The following RIIAD1 variants were observed in gnomAD, a reference collection of about 807,000 sequenced individuals.
RIIAD1 encodes regulatory subunit of type II PKA R-subunit domain containing 1, also known as RIIa domain-containing protein 1.
A neutral mutation model predicts 13.3 loss-of-function variants in RIIAD1; 15 were observed. The ratio of observed to expected loss-of-function variants is 1.13; its 90% CI spans 0.76 to 1.74. The LOEUF is 1.74. Among genes scored for constraint, RIIAD1 ranks in the 40% most tolerant of loss-of-function variants. The probability of loss-of-function intolerance (pLI) is 0.00; values close to 1 mark genes in which losing one functional copy is unlikely to be tolerated. For synonymous variants in RIIAD1, 50 were observed against 43.3 expected (o/e 1.16, Z -0.61); for missense variants, 121 against 112.2 (o/e 1.08, Z -0.35).
At chr1:151,728,482 G>C (rs1479520269) in intron 3 of RIIAD1, 1 of 252,112 alleles carries the variant, frequency 4.0e-6, no homozygotes, top group Non-Finnish European at 6.6e-6. Flanking sequence ...CGGGGTAGGT[G>C]GGGGGTGGGG....
intron 2 of RIIAD1, among the ~76,000 whole-genome samples, chr1:151,713,139 G>A (rs1354343007): frequency 1.3e-5 from 2 of 152,222 alleles, no homozygotes; most frequent in Non-Finnish European, 2.9e-5. Context: ...TCTGGATTCT[G>A]TCCCCTGGGA....
At chr1:151,729,182 G>A (rs142610143) in intron 4 of RIIAD1, among the ~76,000 whole-genome samples, 5 of 152,212 alleles carry the variant, frequency 3.3e-5, no homozygotes, top group Admixed American at 6.5e-5. Flanking sequence ...AGGGAAATGG[G>A]GAGGGGGCCA....
At chr1:151,712,206 C>T (rs1673081784) in intron 2 of RIIAD1, among the ~76,000 whole-genome samples, 2 of 152,296 alleles carry the variant, frequency 1.3e-5, no homozygotes, top group South Asian at 4.1e-4. Context: ...TACTACCCAC[C>T]AGGTGACAAG....
At chr1:151,725,107 C>A (rs1254487332) in intron 2 of RIIAD1, among the ~76,000 whole-genome samples, 1 of 84,678 alleles carries the variant, frequency 1.2e-5, no homozygotes, top group Non-Finnish European at 2.1e-5. Context: ...CGCACCTCGC[C>A]TTTTTTTTTT....
intron 3 of RIIAD1, among the ~76,000 whole-genome samples, chr1:151,727,877 G>A (rs1673860997): frequency 1.3e-5 from 2 of 152,192 alleles, no homozygotes; most frequent in African/African-American, 4.8e-5. Flanking sequence ...AAGGAACATA[G>A]CGGCAGTTTT....
intron 3 of RIIAD1, among the ~76,000 whole-genome samples, chr1:151,728,213 C>T (rs1289343253): frequency 2.0e-5 from 3 of 152,202 alleles, no homozygotes; most frequent in Admixed American, 2.0e-4. Flanking sequence ...CAGATGCTGC[C>T]TCTGATTCAC....
upstream of RIIAD1, chr1:151,716,820 C>A (rs553879751): frequency 2.1e-6 from 1 of 467,060 alleles, no homozygotes. Context: ...CTCCACACCC[C>A]CCTCCCCACT....
chr1:151,722,167 G>T lies in RIIAD1; in HGVS notation c.161+5G>T. 6.5e-7 allele frequency: 1 copy of T among 1,544,444 alleles called. No homozygotes were observed. Among genetic ancestry groups the T allele is most frequent in the East Asian group, 2.4e-5 (1 of 40,884 alleles). On this transcript the variant is annotated splice_donor_5th_base_variant and intron_variant, in intron 2 of 4. Transcript: ENST00000479191. ...GCTCATAAGTGGTTTCTTCAGGTAGGTGGTTTTCCAGGCTCTGGGATTTGT... is the reference window on the plus strand; with the variant it reads ...GCTCATAAGTGGTTTCTTCAGGTAGTTGGTTTTCCAGGCTCTGGGATTTGT...
Position 151,728,842 on chromosome 1 carries a change from A to C in RIIAD1, c.*6A>C. 1 of 1,503,600 alleles carries C rather than the reference A, an allele frequency of 6.7e-7. No individual in the cohort carries two copies. Among genetic ancestry groups the C allele is most frequent in the South Asian group, 1.2e-5 (1 of 83,068 alleles). 93.1% of individuals were successfully genotyped at this position (1,503,600 alleles called of 1,614,324 possible). On this transcript the variant is annotated 3_prime_UTR_variant, in exon 4 of 5. Transcript: ENST00000479191. The stretch of plus-strand genomic sequence containing the variant: ...AAGACAAGAAAGCGGCTTAATTAGC[A>C]AAATCATGATGCTCAGCTGTTGGGA...
At chr1:151,711,781 A>T (rs1352890143) in intron 1 of RIIAD1, 3 of 152,160 alleles carry the variant, frequency 2.0e-5, no homozygotes, top group Non-Finnish European at 4.4e-5. Context: ...GGGTTGGGGG[A>T]TTCTTACGCT....
chr1:151,716,958 C>T (rs545183095), upstream of RIIAD1: 24 of 341,828 alleles, frequency 7.0e-5, no homozygotes, highest in South Asian at 5.4e-4. Context: ...CTCCCTGACT[C>T]CCTTCCCGCC....
chr1:151,716,082 T>C (rs1673459599), intron 4 of RIIAD1: 2 of 1,515,306 alleles, frequency 1.3e-6, no homozygotes, highest in Admixed American at 2.2e-5. Context: ...CAAGGGGAGC[T>C]GCCCAGCAAG....
intron 4 of RIIAD1, chr1:151,714,824 G>C (rs1257932035): frequency 1.6e-6 from 1 of 638,512 alleles, no homozygotes. Context: ...GTCTCCAAGG[G>C]GTAGACTCTC....
chr1:151,723,509 G>A (rs1038947997), intron 2 of RIIAD1, among the ~76,000 whole-genome samples: 2 of 151,190 alleles, frequency 1.3e-5, no homozygotes, highest in African/African-American at 4.9e-5. Context: ...AGACCTGCCT[G>A]GCCAACATGA....
At chr1:151,716,808 C>A (rs754805725), upstream of RIIAD1, 2 of 466,760 alleles carry the variant, frequency 4.3e-6, no homozygotes, top group South Asian at 3.1e-5. Flanking sequence ...AAAACCTCCC[C>A]CCTCCACACC....
chr1:151,715,850 C>T, intron 4 of RIIAD1: 1 of 1,603,874 alleles, frequency 6.2e-7, no homozygotes, highest in Non-Finnish European at 8.5e-7. Flanking sequence ...CACCCCGAAG[C>T]CTCTTCAGCC....
At chr1:151,721,466 T>G, upstream of RIIAD1, 1 of 952,510 alleles carries the variant, frequency 1.0e-6, no homozygotes, top group Non-Finnish European at 1.4e-6. Context: ...GGGGCCGGGC[T>G]TGGGGGCAGG....
chr1:151,726,115 G>A (rs1673824950), intron 2 of RIIAD1, among the ~76,000 whole-genome samples: 1 of 152,102 alleles, frequency 6.6e-6, no homozygotes, highest in South Asian at 2.1e-4. Context: ...GAATGTTTTT[G>A]TCCCTCAACC....
At chr1:151,724,430 GC>G (rs1470844095) in intron 2 of RIIAD1, among the ~76,000 whole-genome samples, 20 of 152,126 alleles carry the variant, frequency 1.3e-4, no homozygotes, top group Non-Finnish European at 2.5e-4. Context: ...GTCCCTGCTG[GC>G]CACCTCACAT....
Sources: gnomAD v4.1 joint callset for allele counts (sites outside exome capture counted in the v4.1 genomes callset) on GRCh38, gnomAD v4.1.1 for gene constraint, MANE v1.5 for transcripts, NCBI Gene and HGNC (gene_info 2026-07-23, HGNC 2026-07-21) for gene names.